Variants in PDE1C observed in about 807,000 individuals in gnomAD.
PDE1C encodes the protein phosphodiesterase 1C, also known as dual specificity calcium/calmodulin-dependent 3',5'-cyclic nucleotide phosphodiesterase 1C.
In PDE1C, 62 loss-of-function variants were observed where a neutral mutation model predicts 93.1. The observed-to-expected ratio is 0.67, with a 90% CI of 0.54 to 0.82. The LOEUF (loss-of-function observed/expected upper bound fraction) is 0.82, where lower values mean the gene tolerates loss of function less well. PDE1C is among the 40% of genes least tolerant of loss of function. PDE1C has a pLI of 0.00. For missense variants in PDE1C, 742 were observed against 884.6 expected (o/e 0.84, Z 2.04); for synonymous variants, 325 against 310.1 (o/e 1.05, Z -0.50).
intron 1 of PDE1C, among the ~76,000 whole-genome samples, chr7:32,390,180 A>G (rs1784723127): frequency 6.6e-6 from 1 of 152,220 alleles, no homozygotes. Context: ...TATATAGGCT[A>G]TACACACATA....
chr7:32,414,671 G>C (rs552846910), intron 1 of PDE1C, among the ~76,000 whole-genome samples: 1 of 152,258 alleles, frequency 6.6e-6, no homozygotes, highest in East Asian at 1.9e-4. Context: ...AGTGGAGAGA[G>C]GAATCTGACT....
the PDE1C span, among the ~76,000 whole-genome samples, chr7:31,731,402 TGA>T: frequency 1.5e-3 from 222 of 150,972 alleles, 4 homozygotes; most frequent in South Asian, 0.028. Flanking sequence ...GCACTTTTTT[TGA>T]GAGAGAGAGA....
intron 16 of PDE1C, chr7:31,789,440 GTCC>G (rs1784343654): frequency 1.9e-5 from 3 of 156,024 alleles, no homozygotes; most frequent in African/African-American, 7.2e-5. Context: ...AAAAGAAGAT[GTCC>G]AGCCAGTGGT....
chr7:32,033,464 G>A (rs76356957), intron 2 of PDE1C, among the ~76,000 whole-genome samples: 3,313 of 152,090 alleles, frequency 0.022, 132 homozygotes, highest in African/African-American at 0.076. Flanking sequence ...CCTTCAGTCA[G>A]TACCTTGGCA....
intron 1 of PDE1C, among the ~76,000 whole-genome samples, chr7:32,371,738 C>A (rs73306180): frequency 3.4e-4 from 52 of 152,186 alleles, no homozygotes; most frequent in African/African-American, 1.1e-3. Flanking sequence ...TGTTCATGGA[C>A]GAAAAGATTT....
At chr7:32,241,859 G>A (rs911367716) in intron 1 of PDE1C, among the ~76,000 whole-genome samples, 4 of 152,148 alleles carry the variant, frequency 2.6e-5, no homozygotes, top group African/African-American at 9.7e-5. Context: ...CACAGCAAGT[G>A]ATGGAAACAA....
intron 2 of PDE1C, among the ~76,000 whole-genome samples, chr7:31,932,493 T>C (rs1376157827): frequency 6.6e-6 from 1 of 152,094 alleles, no homozygotes; most frequent in East Asian, 1.9e-4. Flanking sequence ...ATTAGAGAAA[T>C]GAAAATTAAA....
chr7:32,400,151 G>A (rs182219985), intron 1 of PDE1C, among the ~76,000 whole-genome samples: 2 of 152,216 alleles, frequency 1.3e-5, no homozygotes, highest in South Asian at 2.1e-4. Context: ...TATTCACACC[G>A]TATTATTATT....
At chr7:32,400,617 G>A (rs1235120659) in intron 1 of PDE1C, among the ~76,000 whole-genome samples, 2 of 152,216 alleles carry the variant, frequency 1.3e-5, no homozygotes, top group Non-Finnish European at 2.9e-5. Flanking sequence ...TGGAGCTGGT[G>A]TTCCTCAGAG....
intron 1 of PDE1C, among the ~76,000 whole-genome samples, chr7:32,306,942 C>A (rs1813019098): frequency 6.6e-6 from 1 of 152,164 alleles, no homozygotes. Context: ...TGTCAAATTG[C>A]CATTAGAAAT....
chr7:32,419,740 T>C (rs1195674648), intron 1 of PDE1C, among the ~76,000 whole-genome samples: 1 of 151,954 alleles, frequency 6.6e-6, no homozygotes. Context: ...CTAACATAGA[T>C]GCAAAAGAGC....
In PDE1C at chr7:32,168,959, T is replaced by A. The variant is rs140997418; in HGVS notation, c.308+826A>T. On this transcript the variant is annotated intron_variant, in intron 3 of 18. Coordinates refer to the PDE1C transcript ENST00000396193. ...CGAGGTTTATATGTTCTGCTAACCA[T>A]GTGGAGAGTATGAAAGTCTATAGTG... Among the ~76,000 whole-genome samples, 595 of 152,248 alleles carry A rather than the reference T, an allele frequency of 3.9e-3. 4 individuals are homozygous for A. Among genetic ancestry groups the A allele is most frequent in the African/African-American group, 0.013 (535 of 41,536 alleles).
At chr7:31,728,929 C>A in the PDE1C span, among the ~76,000 whole-genome samples, 1 of 152,118 alleles carries the variant, frequency 6.6e-6, no homozygotes, top group African/African-American at 2.4e-5. Flanking sequence ...TATTCTGCAC[C>A]CAATGGGGCT....
chr7:32,382,680 AG>A, intron 1 of PDE1C, among the ~76,000 whole-genome samples: 1 of 152,294 alleles, frequency 6.6e-6, no homozygotes, highest in Non-Finnish European at 1.5e-5. Context: ...CCCGTTCCTA[AG>A]TCATTTTCAG....
intron 1 of PDE1C, among the ~76,000 whole-genome samples, chr7:32,259,442 GAAGGTGGGGCA>G (rs1270014382): frequency 1.3e-5 from 2 of 152,136 alleles, no homozygotes; most frequent in African/African-American, 4.8e-5. Flanking sequence ...GCTCTAGTAA[GAAGGTGGGGCA>G]ACTGGATTAA....
intron 3 of PDE1C, among the ~76,000 whole-genome samples, chr7:32,159,544 A>G (rs1801782605): frequency 6.6e-6 from 1 of 152,180 alleles, no homozygotes; most frequent in African/African-American, 2.4e-5. Flanking sequence ...TGTTTTTGAG[A>G]TATTTCCCAG....
At chr7:31,918,012 G>C (rs1234025874) in intron 2 of PDE1C, among the ~76,000 whole-genome samples, 1 of 152,126 alleles carries the variant, frequency 6.6e-6, no homozygotes, top group East Asian at 1.9e-4. Flanking sequence ...AGTATTGAAG[G>C]CCATTCCAGT....
the PDE1C span, among the ~76,000 whole-genome samples, chr7:31,702,834 A>G: frequency 1.3e-5 from 2 of 152,228 alleles, no homozygotes; most frequent in African/African-American, 4.8e-5. Context: ...CAATTTTGCA[A>G]TACCTGATGG....
chr7:31,788,208 A>T (rs1163394070), intron 16 of PDE1C: 2 of 152,198 alleles, frequency 1.3e-5, no homozygotes, highest in African/African-American at 4.8e-5. Context: ...TTGACTGGCC[A>T]AAAAGCCCCA....
Sources: gnomAD v4.1 joint callset for allele counts (sites outside exome capture counted in the v4.1 genomes callset) on GRCh38, gnomAD v4.1.1 for gene constraint, MANE v1.5 for transcripts, NCBI Gene and HGNC (gene_info 2026-07-23, HGNC 2026-07-21) for gene names.